Variants in ORC4 observed in about 807,000 individuals in gnomAD.
ORC4 encodes origin recognition complex subunit 4.
A neutral mutation model predicts 63.9 loss-of-function variants in ORC4; 55 were observed. The ratio of observed to expected loss-of-function variants is 0.86; its 90% confidence interval spans 0.69 to 1.08. The LOEUF (loss-of-function observed/expected upper bound fraction) is 1.08. Among genes scored for constraint, ORC4 ranks in the 50% least tolerant of loss-of-function variants. ORC4 has a pLI of 0.00. For missense variants in ORC4, 511 were observed against 504.4 expected (o/e 1.01, Z -0.13); for synonymous variants, 150 against 168.5 (o/e 0.89, Z 0.85).
intron 1 of ORC4, among the ~76,000 whole-genome samples, chr2:148,004,399 TG>T (rs1339213262): frequency 1.3e-5 from 2 of 152,182 alleles, no homozygotes; most frequent in Admixed American, 6.5e-5. Flanking sequence ...AGCATAGTAC[TG>T]GTACCAAAAC....
At chr2:147,978,079 T>C (rs1690669156) in intron 1 of ORC4, among the ~76,000 whole-genome samples, 1 of 152,102 alleles carries the variant, frequency 6.6e-6, no homozygotes, top group African/African-American at 2.4e-5. Flanking sequence ...GGTGGCCTGT[T>C]TGCAGGGCTA....
intron 8 of ORC4, among the ~76,000 whole-genome samples, chr2:147,952,092 A>T (rs1688988498): frequency 6.6e-6 from 1 of 152,202 alleles, no homozygotes; most frequent in Non-Finnish European, 1.5e-5. Context: ...TAACCGCCTC[A>T]TTACTTGATA....
chr2:147,955,529 AGTG>A, intron 6 of ORC4, 134 bp from the exon 7 acceptor site: 1 of 665,136 alleles, frequency 1.5e-6, no homozygotes, highest in East Asian at 2.8e-5. Flanking sequence ...GACTCTGCTG[AGTG>A]TCTCTATACT....
chr2:147,999,899 T>C (rs1692194441), intron 1 of ORC4, among the ~76,000 whole-genome samples: 1 of 151,680 alleles, frequency 6.6e-6, no homozygotes, highest in South Asian at 2.1e-4. Context: ...AGCAATAAAT[T>C]TCAAAACCAA....
At chr2:148,004,790 C>A (rs573566190) in intron 1 of ORC4, among the ~76,000 whole-genome samples, 17 of 152,050 alleles carry the variant, frequency 1.1e-4, no homozygotes, top group Admixed American at 3.3e-4. Context: ...ATGTGGCCAA[C>A]AAACATGTGA....
At chr2:147,990,474 C>T (rs1691514658) in intron 1 of ORC4, among the ~76,000 whole-genome samples, 1 of 152,122 alleles carries the variant, frequency 6.6e-6, no homozygotes, top group Admixed American at 6.5e-5. Context: ...GAAATAAGGG[C>T]CAATACTGAT....
At chr2:147,945,434 C>T (rs939166930) in intron 9 of ORC4, among the ~76,000 whole-genome samples, 2 of 151,970 alleles carry the variant, frequency 1.3e-5, no homozygotes, top group African/African-American at 2.4e-5. Flanking sequence ...TGTCTAACCT[C>T]GTTCATTATA....
intron 1 of ORC4, among the ~76,000 whole-genome samples, chr2:147,980,449 G>A (rs116527183): frequency 3.4e-3 from 521 of 151,978 alleles, no homozygotes; most frequent in East Asian, 8.3e-3. Context: ...CCAGTTTCCC[G>A]TGGATACAGA....
At chr2:147,996,124 T>C (rs187618456) in intron 1 of ORC4, among the ~76,000 whole-genome samples, 311 of 152,074 alleles carry the variant, frequency 2.0e-3, no homozygotes, top group African/African-American at 7.0e-3. Context: ...GCCAATGTGG[T>C]GAAACCCCGT....
In ORC4 at chr2:148,018,862, T is replaced by C. The variant is rs927964142; in HGVS notation, c.-18+1771A>G. Reference sequence around the variant, plus strand: ...AGGAAAGGGATGATCAGGAATAGAATGGAGAGGGGAGCTTCTCAGGTGCCA... The same window carrying C: ...AGGAAAGGGATGATCAGGAATAGAACGGAGAGGGGAGCTTCTCAGGTGCCA... On this transcript the variant is annotated intron_variant, in intron 1 of 13. Coordinates refer to ENST00000392857, the MANE Select transcript of ORC4 (RefSeq NM_181741.4). Among the ~76,000 whole-genome samples, 3 of 152,334 alleles carry C rather than the reference T, an allele frequency of 2.0e-5. 1 individual carries two copies. The highest frequency in any genetic ancestry group is 3.9e-4 in the East Asian group (2 of 5,186).
chr2:148,016,022 A>AAGAACTCAACGTC (rs1321417670), intron 1 of ORC4, among the ~76,000 whole-genome samples: 23 of 152,318 alleles, frequency 1.5e-4, no homozygotes, highest in Non-Finnish European at 2.9e-4. Flanking sequence ...AACTCAACGT[A>AAGAACTCAACGTC]AGAACTCAAC....
chr2:147,983,816 G>A (rs1306926747), intron 1 of ORC4, among the ~76,000 whole-genome samples: 1 of 152,164 alleles, frequency 6.6e-6, no homozygotes, highest in African/African-American at 2.4e-5. Flanking sequence ...AAAAAGGGTG[G>A]GGAGTGATGT....
chr2:147,942,190 G>A (rs1688401149), intron 10 of ORC4, among the ~76,000 whole-genome samples: 2 of 151,994 alleles, frequency 1.3e-5, no homozygotes, highest in African/African-American at 4.8e-5. Context: ...TCCATAAATG[G>A]TAGCTACTGT....
chr2:147,997,377 A>C (rs1471012308), intron 1 of ORC4, among the ~76,000 whole-genome samples: 2 of 152,186 alleles, frequency 1.3e-5, no homozygotes, highest in Non-Finnish European at 2.9e-5. Flanking sequence ...GAATGAATTT[A>C]TTCATATGTT....
intron 10 of ORC4, among the ~76,000 whole-genome samples, chr2:147,941,801 C>T (rs1688380667): frequency 6.6e-6 from 1 of 151,980 alleles, no homozygotes; most frequent in African/African-American, 2.4e-5. Context: ...CACATACACA[C>T]ACACACCCCT....
chr2:147,991,840 A>T (rs2105402972), intron 1 of ORC4, among the ~76,000 whole-genome samples: 1 of 152,342 alleles, frequency 6.6e-6, no homozygotes, highest in Middle Eastern at 3.4e-3. Flanking sequence ...ACAAAATGAA[A>T]AAAAGACATT....
intron 1 of ORC4, among the ~76,000 whole-genome samples, chr2:148,006,204 G>A (rs533461362): frequency 4.6e-5 from 7 of 152,234 alleles, no homozygotes; most frequent in East Asian, 1.9e-4. Flanking sequence ...GGGACTTTGC[G>A]CTGGAACTCA....
chr2:147,933,311 A>C lies in ORC4; in HGVS notation c.*2199T>G, dbSNP rs1009579134. On this transcript the variant is annotated 3_prime_UTR_variant, in exon 14 of 14. Coordinates refer to ENST00000392857, the MANE Select transcript of ORC4 (RefSeq NM_181741.4). The stretch of plus-strand genomic sequence containing the variant: ...ACAATTAAAGCAATTTAAGAGACGA[A>C]GTTAGCTCAAAACTCTTGCGAATAG... 1 of 152,088 alleles carries C rather than the reference A, an allele frequency of 6.6e-6. No homozygotes were observed. The highest frequency in any genetic ancestry group is 2.4e-5 in the African/African-American group (1 of 41,432). The allele number at this position is 152,088 out of a possible 1,614,324, so 9.4% of individuals were successfully genotyped here. A position where few individuals can be genotyped will look rare whatever the true frequency, so the allele number is the denominator to read the frequency against.
intron 1 of ORC4, among the ~76,000 whole-genome samples, chr2:147,976,311 T>A (rs1178056460): frequency 1.3e-5 from 2 of 152,184 alleles, no homozygotes; most frequent in East Asian, 3.8e-4. Flanking sequence ...TGTCAGCATT[T>A]TTTAGCAATA....
Sources: allele counts gnomAD v4.1 joint callset (sites outside exome capture counted in the v4.1 genomes callset), GRCh38; gene constraint gnomAD v4.1.1; transcripts MANE v1.5; gene names NCBI Gene and HGNC (gene_info 2026-07-23, HGNC 2026-07-21).